The following CAP2 variants were observed in gnomAD, a reference collection of about 807,000 sequenced individuals.
The protein encoded by CAP2 is cyclase associated actin cytoskeleton regulatory protein 2.
A neutral mutation model predicts 57.7 loss-of-function variants in CAP2; 24 were observed. The ratio of observed to expected loss-of-function variants is 0.42; its 90% CI spans 0.30 to 0.58. The LOEUF is 0.58. CAP2 is among the 20% of genes least tolerant of loss of function. CAP2 has a pLI of 0.22. For missense variants in CAP2, 501 were observed against 590.3 expected, an observed-to-expected ratio of 0.85 and a Z score of 1.57; for synonymous variants, 194 against 207.2, an observed-to-expected ratio of 0.94 and a Z score of 0.55.
rs1763010904 is a variant in CAP2 at position 17,545,099 on chromosome 6, A to G, written c.1209+1956A>G. Among the ~76,000 whole-genome samples the G allele has an allele frequency of 3.3e-5, 5 of 152,346 alleles. No homozygotes were observed. In the East Asian group the frequency reaches 7.7e-4, roughly 24 times the overall value. ...TTTACATTATTTTTAATTTTAAAAA[A>G]CTAGAAGTAACAGCAGTGAAGTAAT... On this transcript the variant is annotated intron_variant, in intron 11 of 12. Coordinates refer to ENST00000229922, the MANE Select transcript of CAP2 (RefSeq NM_006366.3).
intron 7 of CAP2, among the ~76,000 whole-genome samples, chr6:17,520,138 C>T (rs1308118847): frequency 1.3e-5 from 2 of 151,994 alleles, no homozygotes; most frequent in East Asian, 1.9e-4. Flanking sequence ...TACAGAGTTT[C>T]GCTCTGATGC....
intron 1 of CAP2, among the ~76,000 whole-genome samples, chr6:17,394,908 A>C (rs189182602): frequency 6.6e-6 from 1 of 152,340 alleles, no homozygotes; most frequent in Non-Finnish European, 1.5e-5. Context: ...TAGACAATAA[A>C]AGTGTGTGAA....
intron 4 of CAP2, among the ~76,000 whole-genome samples, chr6:17,467,302 A>G (rs1342477169): frequency 6.6e-6 from 1 of 152,236 alleles, no homozygotes; most frequent in Non-Finnish European, 1.5e-5. Flanking sequence ...ACACAGCAAT[A>G]GAAAACTAAT....
At chr6:17,395,230 A>G (rs1758637530) in intron 1 of CAP2, among the ~76,000 whole-genome samples, 1 of 152,192 alleles carries the variant, frequency 6.6e-6, no homozygotes, top group South Asian at 2.1e-4. Flanking sequence ...GTTAAGAGCT[A>G]GATAGTAAAC....
rs976202937 is a variant in CAP2, at chr6:17,514,071, T to C, written c.636+117T>C. The stretch of plus-strand genomic sequence containing the variant: ...CTCAAGGAAAATGTAAGATTAAATG[T>C]CCATGTGGAGGGCCAGGCGCGGTGG... On this transcript the variant is annotated intron_variant, in intron 7 of 12. Coordinates refer to ENST00000229922, the MANE Select transcript of CAP2 (RefSeq NM_006366.3). The C allele has an allele frequency of 4.2e-6, 3 of 722,746 alleles. No individual in the cohort carries two copies. The African/African-American group carries it at 5.3e-5, about 13-fold the overall frequency. The allele number at this position is 722,746 out of a possible 1,614,324, so 44.8% of individuals were successfully genotyped here.
intron 3 of CAP2, among the ~76,000 whole-genome samples, chr6:17,433,637 G>A (rs1759799401): frequency 6.6e-6 from 1 of 152,196 alleles, no homozygotes; most frequent in African/African-American, 2.4e-5. Flanking sequence ...GCACTGGCGT[G>A]GGCTCGGCCT....
rs1561783561 is a variant in CAP2, at chr6:17,438,431, G to GTGTTTTTT, written c.222+11743_222+11750dup. Among the ~76,000 whole-genome samples the GTGTTTTTT allele has an allele frequency of 2.7e-4, 23 of 85,464 alleles. 1 individual carries two copies. Among genetic ancestry groups the GTGTTTTTT allele is most frequent in the African/African-American group, 1.3e-3 (21 of 16,010 alleles). The allele number at this position is 85,464 out of a possible 152,430, so 56.1% of individuals were successfully genotyped here. ...TGTTTGCTTGTTTGACCATCCAGAA[G>GTGTTTTTT]TGTTTTTTTTTTTTTTTTTTTTTTT... On this transcript the variant is annotated intron_variant, in intron 3 of 12. Transcript: ENST00000229922.
At chr6:17,461,912 G>C (rs1329125186) in intron 3 of CAP2, among the ~76,000 whole-genome samples, 1 of 141,262 alleles carries the variant, frequency 7.1e-6, no homozygotes, top group Non-Finnish European at 1.5e-5. Context: ...AGAATGGCAT[G>C]AACCTGGGGG....
intron 4 of CAP2, among the ~76,000 whole-genome samples, chr6:17,496,488 T>C (rs1761672439): frequency 6.7e-6 from 1 of 150,350 alleles, no homozygotes; most frequent in Admixed American, 6.6e-5. Context: ...TTTGTTTTTT[T>C]TTCTTTCTTT....
intron 1 of CAP2, among the ~76,000 whole-genome samples, chr6:17,408,111 G>A (rs1218083662): frequency 6.6e-6 from 1 of 152,108 alleles, no homozygotes; most frequent in Non-Finnish European, 1.5e-5. Context: ...AAGTCCATTA[G>A]TATTGCTATA....
At chr6:17,412,796 C>G (rs142779527) in intron 1 of CAP2, among the ~76,000 whole-genome samples, 2 of 151,986 alleles carry the variant, frequency 1.3e-5, no homozygotes, top group African/African-American at 4.8e-5. Context: ...GTGAAACCAC[C>G]ACAGTGGAGG....
chr6:17,419,182 T>C (rs181691606), intron 1 of CAP2, among the ~76,000 whole-genome samples: 1 of 152,246 alleles, frequency 6.6e-6, no homozygotes, highest in Admixed American at 6.5e-5. Context: ...ACGTCATCAC[T>C]GTGTTTAAGC....
At chr6:17,483,167 C>T (rs1333399509) in intron 4 of CAP2, among the ~76,000 whole-genome samples, 1 of 152,092 alleles carries the variant, frequency 6.6e-6, no homozygotes, top group African/African-American at 2.4e-5. Flanking sequence ...TTCATTTATT[C>T]GATTTCTTTA....
chr6:17,417,041 G>A (rs1012466945), intron 1 of CAP2, among the ~76,000 whole-genome samples: 17 of 151,954 alleles, frequency 1.1e-4, no homozygotes, highest in African/African-American at 3.6e-4. Context: ...GGAGGCTGCA[G>A]TGAGCTGTGA....
chr6:17,526,114 A>G (rs1302405426), intron 7 of CAP2, among the ~76,000 whole-genome samples: 2 of 151,720 alleles, frequency 1.3e-5, no homozygotes, highest in Non-Finnish European at 2.9e-5. Context: ...CTGCATGAAA[A>G]TGTGTCTTTT....
At chr6:17,438,029 A>T (rs1759945928) in intron 3 of CAP2, among the ~76,000 whole-genome samples, 1 of 151,978 alleles carries the variant, frequency 6.6e-6, no homozygotes, top group African/African-American at 2.4e-5. Flanking sequence ...GTGGTGAGAG[A>T]TACAAATATT....
At chr6:17,439,147 A>G (rs140016302) in intron 3 of CAP2, among the ~76,000 whole-genome samples, 1,835 of 150,818 alleles carry the variant, frequency 0.012, 100 homozygotes, top group African/African-American at 0.042. Context: ...GAGAGAGAGA[A>G]AAAAAAGGCT....
intron 7 of CAP2, among the ~76,000 whole-genome samples, chr6:17,516,933 C>T (rs532201481): frequency 3.9e-5 from 6 of 152,182 alleles, no homozygotes; most frequent in South Asian, 2.1e-4. Flanking sequence ...TACAACTAAG[C>T]GGATTGTTTT....
intron 4 of CAP2, among the ~76,000 whole-genome samples, chr6:17,469,754 T>C (rs1295940044): frequency 1.3e-5 from 2 of 152,180 alleles, no homozygotes; most frequent in Non-Finnish European, 2.9e-5. Flanking sequence ...ATCTGAAAAA[T>C]TAGATGGAGA....
Sources: allele counts gnomAD v4.1 joint callset (sites outside exome capture counted in the v4.1 genomes callset), GRCh38; gene constraint gnomAD v4.1.1; transcripts MANE v1.5; gene names NCBI Gene and HGNC (gene_info 2026-07-23, HGNC 2026-07-21).